The following BBIP1 variants were observed in gnomAD, a reference collection of about 807,000 sequenced individuals.
BBIP1 encodes BBSome interacting protein 1.
A neutral mutation model predicts 8.9 loss-of-function variants in BBIP1; 6 were observed. The observed-to-expected ratio is 0.67, with a 90% confidence interval of 0.37 to 1.33. The LOEUF (loss-of-function observed/expected upper bound fraction) is 1.33. Ranked by LOEUF, BBIP1 falls within the 40% of genes most tolerant of loss-of-function variation. The pLI is 0.02. For missense variants in BBIP1, 111 were observed against 109.2 expected (o/e 1.02, Z -0.07); for synonymous variants, 32 against 33.4 (o/e 0.96, Z 0.14).
In BBIP1 at chr10:110,901,604, T is replaced by G; in HGVS notation, c.46A>C (p.Thr16Pro). The G allele has an allele frequency of 6.5e-7, 1 of 1,534,494 alleles. No individual in the cohort carries two copies. The highest frequency in any genetic ancestry group is 8.7e-7 in the Non-Finnish European group (1 of 1,145,426). Residue 16 changes from threonine (T) to proline (P), a missense_variant, in exon 3 of 4, where the codon ACT becomes CCT. By Grantham distance (38) the Thr-to-Pro change is conservative (BLOSUM62 -1). Transcript: ENST00000448814. ...AKRPELSGKN[T>P]ISNNSDMAEV... ...GCCATATCTGAGTTGTTGGATATAGTGTTTTTTCCTTCAATGAGAAATCAG... is the reference window on the plus strand; with the variant it reads ...GCCATATCTGAGTTGTTGGATATAGGGTTTTTTCCTTCAATGAGAAATCAG...
In BBIP1 at chr10:110,899,716, G is replaced by C. The variant is rs1191722221; in HGVS notation, c.*644C>G. 6.6e-6 allele frequency: 1 copy of C among 151,782 alleles called. No homozygotes were observed. Among genetic ancestry groups the C allele is most frequent in the African/African-American group, 2.4e-5 (1 of 41,226 alleles). The allele number at this position is 151,782 out of a possible 1,614,324, so 9.4% of individuals were successfully genotyped here. On this transcript the variant is annotated 3_prime_UTR_variant, in exon 4 of 4. Coordinates refer to ENST00000448814, the MANE Select transcript of BBIP1 (RefSeq NM_001195305.3). ...GGAGGCTGAGGCAGGAGAATTGCTT[G>C]AACCTGGGAGGCAGAGGTTGCAGTG...
intron 2 of BBIP1, chr10:110,907,968 G>T: frequency 1.9e-6 from 1 of 539,598 alleles, no homozygotes; most frequent in Non-Finnish European, 3.3e-6. Flanking sequence ...TGTGATTCTG[G>T]AATTCTTTAA....
intron 2 of BBIP1, among the ~76,000 whole-genome samples, chr10:110,909,291 G>A (rs1846217147): frequency 1.3e-5 from 2 of 152,022 alleles, no homozygotes; most frequent in Middle Eastern, 3.4e-3. Context: ...CCCACCTCCT[G>A]GGTTCAAGCG....
chr10:110,907,737 C>G (rs1406542916), intron 2 of BBIP1: 5 of 701,686 alleles, frequency 7.1e-6, no homozygotes, highest in Non-Finnish European at 1.3e-5. Context: ...ATATGCAAAT[C>G]CTGGTATAAA....
At chr10:110,904,024 CAG>C (rs1014018469) in intron 2 of BBIP1, 41 of 152,350 alleles carry the variant, frequency 2.7e-4, no homozygotes, top group African/African-American at 7.9e-4. Context: ...CGTTGGTATA[CAG>C]ACAGTATTTC....
intron 2 of BBIP1, chr10:110,907,604 C>CCA: frequency 3.8e-6 from 2 of 528,496 alleles, no homozygotes; most frequent in South Asian, 5.5e-5. Context: ...ATCCACAGGT[C>CCA]CATTTTCTCA....
At chr10:110,901,984 A>G (rs1320271182) in intron 2 of BBIP1, 1 of 166,234 alleles carries the variant, frequency 6.0e-6, no homozygotes, top group African/African-American at 2.4e-5. Flanking sequence ...GTGGGTGACA[A>G]AAAACATGAC....
chr10:110,901,404 TA>T (rs1845998278), intron 3 of BBIP1, 133 bp downstream of exon 3: 1 of 664,520 alleles, frequency 1.5e-6, no homozygotes, highest in Non-Finnish European at 2.7e-6. Context: ...AAGCATATAG[TA>T]AAAGACAGTA....
chr10:110,915,231 A>C (rs1461142958), intron 2 of BBIP1, among the ~76,000 whole-genome samples: 1 of 152,040 alleles, frequency 6.6e-6, no homozygotes, highest in African/African-American at 2.4e-5. Flanking sequence ...ATCATGGCTC[A>C]CCACAGCCTT....
At chr10:110,912,311 C>T (rs1487812429) in intron 2 of BBIP1, 1 of 152,114 alleles carries the variant, frequency 6.6e-6, no homozygotes, top group African/African-American at 2.4e-5. Flanking sequence ...CACTATGTCA[C>T]TGAAACTTTC....
At chr10:110,909,834 C>A (rs568181786) in intron 2 of BBIP1, among the ~76,000 whole-genome samples, 3 of 152,072 alleles carry the variant, frequency 2.0e-5, no homozygotes, top group Non-Finnish European at 2.9e-5. Context: ...AGAAAACTAA[C>A]AAATGTAACA....
intron 2 of BBIP1, chr10:110,907,098 G>C (rs1306551364): frequency 6.6e-6 from 1 of 152,212 alleles, no homozygotes; most frequent in Non-Finnish European, 1.5e-5. Context: ...AGTCTTTCTT[G>C]AGTTACCAGT....
chr10:110,913,489 A>AGCAGCACGTGCT (rs1346294860), intron 2 of BBIP1, among the ~76,000 whole-genome samples: 1 of 152,234 alleles, frequency 6.6e-6, no homozygotes, highest in Non-Finnish European at 1.5e-5. Flanking sequence ...TTACTTTTGA[A>AGCAGCACGTGCT]GCAGCACGTG....
chr10:110,901,824 A>C (rs1846011803), intron 2 of BBIP1: 2 of 535,486 alleles, frequency 3.7e-6, no homozygotes, highest in Non-Finnish European at 3.4e-6. Context: ...TTGTGGTGTT[A>C]ACTACAAGGC....
chr10:110,917,054 GTTTACAAGAAGAAAA>G (rs1674867323), intron 2 of BBIP1, among the ~76,000 whole-genome samples: 1 of 152,028 alleles, frequency 6.6e-6, no homozygotes, highest in Admixed American at 6.6e-5. Flanking sequence ...CTAACTTCTG[GTTTACAAGAAGAAAA>G]AAGAGGGGCC....
At chr10:110,919,022 A>T (rs938381116) in intron 1 of BBIP1, 99 bp downstream of exon 1, 1 of 152,286 alleles carries the variant, frequency 6.6e-6, no homozygotes, top group Non-Finnish European at 1.5e-5. Flanking sequence ...GTCTCAGTAA[A>T]ATAAGGGCCA....
intron 3 of BBIP1, chr10:110,901,116 C>T (rs1255796881): frequency 2.2e-6 from 1 of 454,756 alleles, no homozygotes; most frequent in Admixed American, 2.4e-5. Flanking sequence ...ACATTGAGAT[C>T]CCTTCTCTAC....
chr10:110,905,276 TGTG>T (rs776469061), intron 2 of BBIP1, among the ~76,000 whole-genome samples: 2 of 152,074 alleles, frequency 1.3e-5, no homozygotes, highest in Non-Finnish European at 2.9e-5. Flanking sequence ...AAATCCCTGG[TGTG>T]GGGGCTGGGC....
chr10:110,915,452 AC>A (rs1846380532), intron 2 of BBIP1, among the ~76,000 whole-genome samples: 1 of 152,078 alleles, frequency 6.6e-6, no homozygotes, highest in Non-Finnish European at 1.5e-5. Context: ...CAGCAGCCGG[AC>A]CCTAACTTTT....
Sources: gnomAD v4.1 joint callset for allele counts (sites outside exome capture counted in the v4.1 genomes callset) on GRCh38, gnomAD v4.1.1 for gene constraint, MANE v1.5 for transcripts, NCBI Gene and HGNC (gene_info 2026-07-23, HGNC 2026-07-21) for gene names.